ADAMTSL3: variants seen among roughly 807,000 people sequenced by gnomAD.
ADAMTSL3 encodes the protein ADAMTS-like protein 3.
Under a neutral mutation model 201.7 loss-of-function variants are expected in ADAMTSL3, and 128 were observed. That is an observed-to-expected ratio of 0.63 (90% confidence interval 0.55 to 0.73). The LOEUF (loss-of-function observed/expected upper bound fraction) is 0.73. ADAMTSL3 is among the 30% of genes least tolerant of loss of function. The probability of loss-of-function intolerance (pLI) is 0.00; values close to 1 mark genes in which losing one functional copy is unlikely to be tolerated. For synonymous variants in ADAMTSL3, 738 were observed against 748.4 expected, an observed-to-expected ratio of 0.99 and a Z score of 0.23; for missense variants, 1,990 against 2,119.6, an observed-to-expected ratio of 0.94 and a Z score of 1.20.
intron 9 of ADAMTSL3, among the ~76,000 whole-genome samples, chr15:83,872,627 C>CACACACACATACACACACACAG (rs6145659): frequency 7.1e-6 from 1 of 140,918 alleles, no homozygotes; most frequent in Non-Finnish European, 1.5e-5. Flanking sequence ...CACACACACA[C>CACACACACATACACACACACAG]AGAGTTTTTG....
chr15:84,033,659 AAAAAAACAAACC>A, intron 28 of ADAMTSL3, among the ~76,000 whole-genome samples: 1 of 152,268 alleles, frequency 6.6e-6, no homozygotes, highest in South Asian at 2.1e-4. Context: ...ACTCTATCTC[AAAAAAACAAACC>A]AAAAAACAAA....
chr15:83,711,791 G>T (rs147954903), intron 3 of ADAMTSL3, among the ~76,000 whole-genome samples: 3 of 152,296 alleles, frequency 2.0e-5, no homozygotes, highest in African/African-American at 7.2e-5. Context: ...AAGCATAAAA[G>T]AATTGTGTGG....
At position 83,982,342 on chromosome 15, in the gene ADAMTSL3, A is replaced by G. The variant is rs1221437975; in HGVS notation, c.2714A>G (p.Tyr905Cys). The change falls in exon 21 of 30, where the codon TAC becomes TGC. Residue 905 changes from tyrosine to cysteine, a missense_variant. Transcript: ENST00000286744. ...CAGATCCTCAGTGTCCAGAGAGTCT[A>G]CATTCAGACAAGGGAAGAGAAGCGT... ...GPQILSVQRV[Y>C]IQTREEKRIN... 8 of 1,613,860 alleles carry G rather than the reference A, an allele frequency of 5.0e-6. No individual in the cohort carries two copies. The highest frequency in any genetic ancestry group is 2.7e-5 in the African/African-American group (2 of 74,860).
Position 83,782,348 on chromosome 15 carries a change from G to T in ADAMTSL3, c.317+8698G>T, listed in dbSNP as rs375159995. 5.9e-5 allele frequency among the ~76,000 whole-genome samples: 9 copies of T among 152,156 alleles called. No homozygotes were observed. In the East Asian group the frequency reaches 9.7e-4, roughly 16 times the overall value. ...AAAAATTAGCCGGGCATGGTGACGG[G>T]TGCCTGTAATTCCAGCTACTCAGGA... On this transcript the variant is annotated intron_variant, in intron 4 of 29. Coordinates refer to ENST00000286744, the MANE Select transcript of ADAMTSL3 (RefSeq NM_207517.3).
chr15:83,914,615 C>A (rs2065995342), intron 16 of ADAMTSL3, among the ~76,000 whole-genome samples: 1 of 152,210 alleles, frequency 6.6e-6, no homozygotes. Flanking sequence ...CTCTTTCTCC[C>A]CTTACTTGCT....
At chr15:83,822,213 G>T (rs1192621209) in intron 6 of ADAMTSL3, among the ~76,000 whole-genome samples, 1 of 150,688 alleles carries the variant, frequency 6.6e-6, no homozygotes, top group Non-Finnish European at 1.5e-5. Flanking sequence ...TGGCTGCCGG[G>T]CGGAGACGCT....
intron 25 of ADAMTSL3, among the ~76,000 whole-genome samples, chr15:84,017,169 G>A (rs1446747867): frequency 6.6e-6 from 1 of 152,110 alleles, no homozygotes; most frequent in African/African-American, 2.4e-5. Flanking sequence ...CCAGGCTGGA[G>A]TGCAGTGGCG....
intron 3 of ADAMTSL3, among the ~76,000 whole-genome samples, chr15:83,722,549 C>T (rs1439821513): frequency 6.6e-6 from 1 of 152,010 alleles, no homozygotes; most frequent in East Asian, 1.9e-4. Flanking sequence ...TCCTCTGAGC[C>T]TAAGTAATTC....
intron 8 of ADAMTSL3, 68 bp downstream of exon 8, chr15:83,858,908 A>G: frequency 2.9e-6 from 4 of 1,381,014 alleles, no homozygotes; most frequent in Non-Finnish European, 4.0e-6. Context: ...AAAACAAAAA[A>G]CAAAAAACCC....
At chr15:83,913,748 G>C (rs1228587811) in intron 16 of ADAMTSL3, among the ~76,000 whole-genome samples, 1 of 152,186 alleles carries the variant, frequency 6.6e-6, no homozygotes, top group Admixed American at 6.5e-5. Context: ...TGCAACTCTA[G>C]ATCAGAGTTT....
At chr15:83,927,771 G>T (rs1361854833) in intron 17 of ADAMTSL3, among the ~76,000 whole-genome samples, 1 of 152,012 alleles carries the variant, frequency 6.6e-6, no homozygotes, top group Non-Finnish European at 1.5e-5. Context: ...TCCAAATTCT[G>T]CCTTTTCTGG....
chr15:83,754,179 G>A (rs911739771), intron 3 of ADAMTSL3, among the ~76,000 whole-genome samples: 1 of 152,136 alleles, frequency 6.6e-6, no homozygotes. Flanking sequence ...AACCATAAAT[G>A]TCTCCAGGCA....
intron 4 of ADAMTSL3, among the ~76,000 whole-genome samples, chr15:83,788,448 G>T (rs1322238242): frequency 6.6e-6 from 1 of 152,064 alleles, no homozygotes; most frequent in Non-Finnish European, 1.5e-5. Flanking sequence ...TATCTGAAAA[G>T]ATCTTTATTT....
intron 3 of ADAMTSL3, among the ~76,000 whole-genome samples, chr15:83,754,968 T>C (rs2062695936): frequency 1.3e-5 from 2 of 152,224 alleles, no homozygotes; most frequent in African/African-American, 4.8e-5. Context: ...CAGATTTATA[T>C]TGGTTATGTT....
chr15:83,986,228 A>T (rs1413489715), intron 21 of ADAMTSL3, among the ~76,000 whole-genome samples: 1 of 152,190 alleles, frequency 6.6e-6, no homozygotes, highest in Non-Finnish European at 1.5e-5. Flanking sequence ...CCATTTTATA[A>T]ATTGTAAGGA....
At position 83,991,109 on chromosome 15, in the gene ADAMTSL3, G is replaced by C. The variant is rs754710267; in HGVS notation, c.3868G>C (p.Glu1290Gln). Residue 1290 changes from glutamate to glutamine, a missense_variant, in exon 23 of 30, where the codon GAA becomes CAA. By Grantham distance (29) the Glu-to-Gln change is conservative (BLOSUM62 2). Transcript: ENST00000286744. ...AGAGGCACCTGTCATCTTGTCTGTT[G>C]AAAGAAATATCACCAAACCAGAGCA... ...YAEAPVILSV[E>Q]RNITKPEHNH... is the part of the protein sequence containing the mutation. 5 of 1,614,064 alleles carry C rather than the reference G, an allele frequency of 3.1e-6. No homozygotes were observed. Among genetic ancestry groups the C allele is most frequent in the Non-Finnish European group, 4.2e-6 (5 of 1,180,026 alleles).
intron 13 of ADAMTSL3, among the ~76,000 whole-genome samples, chr15:83,894,021 C>G (rs1257956585): frequency 2.6e-5 from 4 of 152,100 alleles, no homozygotes; most frequent in Admixed American, 6.5e-5. Flanking sequence ...TCCAACCACC[C>G]AAAAGCTTAG....
intron 19 of ADAMTSL3, among the ~76,000 whole-genome samples, chr15:83,967,678 AG>A (rs1259852507): frequency 2.6e-5 from 4 of 152,340 alleles, no homozygotes; most frequent in Non-Finnish European, 5.9e-5. Context: ...ATTAGAAAAA[AG>A]TACTTTAAAT....
chr15:83,743,831 A>G (rs1385544844), intron 3 of ADAMTSL3, among the ~76,000 whole-genome samples: 1 of 152,144 alleles, frequency 6.6e-6, no homozygotes, highest in Non-Finnish European at 1.5e-5. Context: ...GGAGTCAACA[A>G]GAAAAGATTT....
Sources: allele counts gnomAD v4.1 joint callset (sites outside exome capture counted in the v4.1 genomes callset), GRCh38; gene constraint gnomAD v4.1.1; transcripts MANE v1.5; gene names NCBI Gene and HGNC (gene_info 2026-07-23, HGNC 2026-07-21).